The following HERC6 variants were observed in gnomAD, a reference collection of about 807,000 sequenced individuals.
The protein encoded by HERC6 is probable E3 ubiquitin-protein ligase HERC6.
HERC6 carries 101 observed loss-of-function variants against 114.5 expected under a neutral mutation model. The ratio of observed to expected loss-of-function variants is 0.88; its 90% confidence interval spans 0.75 to 1.04. The LOEUF is 1.04. Among genes scored for constraint, HERC6 ranks in the 50% least tolerant of loss-of-function variants. HERC6 has a pLI of 0.00. For synonymous variants in HERC6, 408 were observed against 436.2 expected (o/e 0.94, Z 0.81); for missense variants, 1,133 against 1,230.9 (o/e 0.92, Z 1.19).
At chr4:88,381,044 C>T (rs1578364103) in intron 1 of HERC6, among the ~76,000 whole-genome samples, 1 of 152,016 alleles carries the variant, frequency 6.6e-6, no homozygotes, top group African/African-American at 2.4e-5. Context: ...ACATTCTAAA[C>T]TCTGAGAGTA....
At chr4:88,430,432 C>T (rs1008967093) in intron 16 of HERC6, among the ~76,000 whole-genome samples, 29 of 151,538 alleles carry the variant, frequency 1.9e-4, no homozygotes, top group African/African-American at 6.1e-4. Context: ...TAGCTGGGTG[C>T]GGTGGTGGGT....
chr4:88,390,177 CAAAAAAAA>C (rs1156777502), intron 3 of HERC6, among the ~76,000 whole-genome samples: 11 of 48,646 alleles, frequency 2.3e-4, no homozygotes, highest in African/African-American at 6.3e-4. Flanking sequence ...AACTCTGTAT[CAAAAAAAA>C]AAAAAAAAAA....
intron 10 of HERC6, among the ~76,000 whole-genome samples, chr4:88,407,663 GGTCTCCCAAAGTGTT>G: frequency 1.3e-5 from 2 of 151,702 alleles, no homozygotes; most frequent in African/African-American, 4.8e-5. Context: ...CTCCCACTTT[GGTCTCCCAAAGTGTT>G]GGAATTACAG....
rs190389692 is a variant in HERC6, at chr4:88,394,285, C to T, written c.759+703C>T. 8.9e-3 allele frequency among the ~76,000 whole-genome samples: 1,355 copies of T among 151,648 alleles called. 19 individuals are homozygous for T. Among genetic ancestry groups the T allele is most frequent in the African/African-American group, 0.03 (1,257 of 41,344 alleles). ...GTCAGGAGTTCAAGACCAGCCTGGC[C>T]AACATAGTGAAATCCCATCTCTACT... On this transcript the variant is annotated intron_variant, in intron 5 of 22. Coordinates refer to ENST00000264346, the MANE Select transcript of HERC6 (RefSeq NM_017912.4).
intron 13 of HERC6, among the ~76,000 whole-genome samples, chr4:88,423,465 G>A (rs1228826177): frequency 6.6e-6 from 1 of 152,146 alleles, no homozygotes; most frequent in East Asian, 1.9e-4. Flanking sequence ...TTAATCTAAA[G>A]ATTTGTCCTG....
intron 3 of HERC6, among the ~76,000 whole-genome samples, chr4:88,390,264 G>T (rs1866798): frequency 0.46 from 69,474 of 150,182 alleles, 16,766 homozygotes; most frequent in African/African-American, 0.59. Flanking sequence ...GGGGTTGGGG[G>T]GAAATCAGAA....
intron 19 of HERC6, among the ~76,000 whole-genome samples, chr4:88,437,257 A>G (rs1042636741): frequency 1.3e-5 from 2 of 151,998 alleles, no homozygotes; most frequent in Non-Finnish European, 2.9e-5. Context: ...GGTTTTTGCT[A>G]TCTTGGCCAG....
At chr4:88,395,262 T>A (rs1477470432) in intron 5 of HERC6, among the ~76,000 whole-genome samples, 1 of 152,192 alleles carries the variant, frequency 6.6e-6, no homozygotes, top group Non-Finnish European at 1.5e-5. Context: ...AAGCTAGAGT[T>A]GTTTGTAATC....
intron 7 of HERC6, among the ~76,000 whole-genome samples, chr4:88,397,775 A>C (rs1329927863): frequency 6.6e-6 from 1 of 152,162 alleles, no homozygotes; most frequent in Non-Finnish European, 1.5e-5. Context: ...AGAACAATAC[A>C]CTTTTTTTCC....
intron 1 of HERC6, 115 bp downstream of exon 1, chr4:88,379,235 G>A: frequency 1.2e-6 from 1 of 827,486 alleles, no homozygotes; most frequent in Non-Finnish European, 1.8e-6. Context: ...TGAGGGGCGC[G>A]GGGGCCCAGG....
chr4:88,403,536 C>T (rs376520906), intron 8 of HERC6, among the ~76,000 whole-genome samples: 6 of 152,254 alleles, frequency 3.9e-5, no homozygotes, highest in East Asian at 3.9e-4. Flanking sequence ...GGGTGGATCA[C>T]GAGGTCAGGA....
At chr4:88,440,686 A>C (rs1243439308) in intron 22 of HERC6, 1 of 153,354 alleles carries the variant, frequency 6.5e-6, no homozygotes, top group African/African-American at 2.4e-5. Context: ...CTTACTGTGC[A>C]TGTGCTAAAA....
chr4:88,439,842 CTTTTTTTTTT>C (rs537714979), intron 20 of HERC6, 22 bp from the exon 21 acceptor site: 1 of 996,268 alleles, frequency 1.0e-6, no homozygotes, highest in Non-Finnish European at 1.3e-6. Context: ...TCCTTCCTTT[CTTTTTTTTTT>C]TTTTTTTTTG....
intron 8 of HERC6, 39 bp from the exon 9 acceptor site, chr4:88,404,837 G>A: frequency 1.2e-6 from 2 of 1,608,404 alleles, no homozygotes; most frequent in African/African-American, 1.3e-5. Context: ...CTGAACGTGT[G>A]TGTGTTCCTG....
Position 88,396,875 on chromosome 4 carries a change from C to T in HERC6, c.912C>T (p.His304=). ...GTTATCACACCCTGGCATATGTGCA[C>T]ACCACTGGTCAGGTGGTATCTTTTG... ...CGSYHTLAYV[H]TTGQVVSFGH... Residue 304 remains histidine, a synonymous_variant, in exon 7 of 23, where the codon CAC becomes CAT. Transcript: ENST00000264346. The T allele has an allele frequency of 6.3e-7, 1 of 1,597,918 alleles. No individual in the cohort carries two copies. Among genetic ancestry groups the T allele is most frequent in the Non-Finnish European group, 8.5e-7 (1 of 1,170,588 alleles).
At chr4:88,435,293 G>A (rs543969032) in intron 17 of HERC6, among the ~76,000 whole-genome samples, 1 of 151,884 alleles carries the variant, frequency 6.6e-6, no homozygotes, top group South Asian at 2.1e-4. Context: ...CCCAAGTTGT[G>A]GGGCTGCATT....
intron 18 of HERC6, 29 bp from the exon 19 acceptor site, chr4:88,436,876 A>G (rs763892522): frequency 3.5e-5 from 54 of 1,524,458 alleles, no homozygotes; most frequent in Admixed American, 1.3e-4. Flanking sequence ...ATCAATAAAT[A>G]TAATTTTTAA....
rs534716003 is a variant in HERC6, at chr4:88,428,839, C to T, written c.2106+89C>T. 44 of 1,103,628 alleles carry T rather than the reference C, an allele frequency of 4.0e-5. 1 individual carries two copies. In the South Asian group the frequency reaches 7.4e-4, roughly 19 times the overall value. 68.4% of individuals were successfully genotyped at this position (1,103,628 alleles called of 1,614,324 possible). On this transcript the variant is annotated intron_variant, in intron 16 of 22. Transcript: ENST00000264346. The stretch of plus-strand genomic sequence containing the variant: ...ACAAATGCTCTCTGAAAAGAGCCTG[C>T]ATTTGCCTCTATGGTTATCAATCTT...
chr4:88,384,251 G>T (rs555542324), intron 2 of HERC6, among the ~76,000 whole-genome samples: 184 of 152,224 alleles, frequency 1.2e-3, no homozygotes, highest in South Asian at 3.7e-3. Flanking sequence ...ACTTTACTTT[G>T]GGATATTCTG....
Sources: allele counts gnomAD v4.1 joint callset (sites outside exome capture counted in the v4.1 genomes callset), GRCh38; gene constraint gnomAD v4.1.1; transcripts MANE v1.5; gene names NCBI Gene and HGNC (gene_info 2026-07-23, HGNC 2026-07-21).